Variants in MYH11 observed in about 807,000 individuals in gnomAD.
MYH11 encodes the protein myosin heavy chain 11.
A neutral mutation model predicts 246.6 loss-of-function variants in MYH11; 80 were observed. The ratio of observed to expected loss-of-function variants is 0.32; its 90% CI spans 0.27 to 0.39. The LOEUF is 0.39. MYH11 is among the 10% of genes least tolerant of loss of function. The pLI, the probability that MYH11 is intolerant of heterozygous loss-of-function variation, is 1.00. For synonymous variants in MYH11, 1,071 were observed against 1,015.5 expected (o/e 1.05, Z -1.04); for missense variants, 2,158 against 2,546.8 (o/e 0.85, Z 3.29).
At chr16:15,820,992 C>T (rs1349728684) in intron 3 of MYH11, among the ~76,000 whole-genome samples, 2 of 152,184 alleles carry the variant, frequency 1.3e-5, no homozygotes, top group Non-Finnish European at 2.9e-5. Context: ...CCCACCTCAG[C>T]CTCCCAAGAA....
intron 9 of MYH11, among the ~76,000 whole-genome samples, chr16:15,765,501 GGAT>G: frequency 6.6e-6 from 1 of 152,248 alleles, no homozygotes; most frequent in South Asian, 2.1e-4. Flanking sequence ...ATGAATGGAT[GGAT>G]GATGATTAAT....
chr16:15,746,758 C>G (rs978667041), intron 19 of MYH11, among the ~76,000 whole-genome samples: 1 of 152,134 alleles, frequency 6.6e-6, no homozygotes, highest in Middle Eastern at 3.2e-3. Context: ...GATCTAGACA[C>G]CGTCAAGTCC....
At chr16:15,743,263 G>C (rs1231952796) in intron 20 of MYH11, among the ~76,000 whole-genome samples, 1 of 152,104 alleles carries the variant, frequency 6.6e-6, no homozygotes, top group Admixed American at 6.6e-5. Context: ...CTGCCTCCTC[G>C]GTTCAAGTGA....
At chr16:15,819,846 C>T (rs1176205883) in intron 3 of MYH11, among the ~76,000 whole-genome samples, 3 of 152,082 alleles carry the variant, frequency 2.0e-5, no homozygotes, top group African/African-American at 7.2e-5. Flanking sequence ...AGCAAAAGTC[C>T]CCACAACACA....
At chr16:15,772,131 G>A (rs1049027399) in intron 8 of MYH11, among the ~76,000 whole-genome samples, 1 of 122,416 alleles carries the variant, frequency 8.2e-6, no homozygotes, top group Non-Finnish European at 1.6e-5. Context: ...TCACTCTGTC[G>A]TCCAGGCAGG....
chr16:15,807,772 A>T (rs2043048634), intron 3 of MYH11, among the ~76,000 whole-genome samples: 2 of 151,978 alleles, frequency 1.3e-5, no homozygotes, highest in Non-Finnish European at 1.5e-5. Flanking sequence ...CCAGCCTCGG[A>T]TGTGTAAGGC....
intron 1 of MYH11, among the ~76,000 whole-genome samples, chr16:15,840,042 C>T (rs541748430): frequency 7.2e-5 from 11 of 151,786 alleles, no homozygotes; most frequent in African/African-American, 1.9e-4. Flanking sequence ...CAGAGTGAGA[C>T]GCTGTCTCAA....
Position 15,718,397 on chromosome 16 carries a change from A to G in MYH11, c.5213T>C (p.Ile1738Thr), listed in dbSNP as rs794729642. 1.3e-6 allele frequency: 2 copies of G among 1,598,468 alleles called. No individual in the cohort carries two copies. Among genetic ancestry groups the G allele is most frequent in the Non-Finnish European group, 1.7e-6 (2 of 1,174,400 alleles). ...QDEKRRLEARIAQLEEELEEE... is the reference protein window; with the variant it reads ...QDEKRRLEARTAQLEEELEEE... ...CTCCAGCTCCTCCTCCAGCTGGGCG[A>G]TCCGGGCCTCCAGGCGGCGCTTCTC... Residue 1738 changes from isoleucine (I) to threonine (T), a missense_variant, in exon 37 of 41, where the codon ATC (isoleucine) becomes ACC (threonine). Physicochemically the swap from Ile to Thr is moderately conservative, Grantham distance 89. Coordinates refer to ENST00000300036, the MANE Select transcript of MYH11 (RefSeq NM_002474.3).
At position 15,708,817 on chromosome 16, in the gene MYH11, C is replaced by T. The variant is rs373899395; in HGVS notation, c.5787-4694G>A. On this transcript the variant is annotated intron_variant, in intron 40 of 40. Coordinates refer to ENST00000300036, the MANE Select transcript of MYH11 (RefSeq NM_002474.3). ...AGGCATGATACCTGGTGCATCACTG[C>T]GAAGTTTCCTGTGGGGGGGGCCCTC... 2.9e-5 allele frequency: 47 copies of T among 1,608,956 alleles called. No individual in the cohort carries two copies. In the Admixed American group the frequency reaches 3.0e-4, roughly 10 times the overall value.
intron 26 of MYH11, among the ~76,000 whole-genome samples, chr16:15,734,676 G>A (rs1231535633): frequency 2.6e-5 from 4 of 152,178 alleles, no homozygotes; most frequent in African/African-American, 4.8e-5. Context: ...AATGAGGATG[G>A]TTTTGAATGC....
At chr16:15,793,739 C>A (rs952258071) in intron 4 of MYH11, among the ~76,000 whole-genome samples, 14 of 149,216 alleles carry the variant, frequency 9.4e-5, no homozygotes, top group African/African-American at 2.2e-4. Flanking sequence ...CCTGCCTCAG[C>A]CTCCTGAATA....
intron 2 of MYH11, among the ~76,000 whole-genome samples, chr16:15,825,610 T>C (rs2043541716): frequency 6.6e-6 from 1 of 152,008 alleles, no homozygotes; most frequent in South Asian, 2.1e-4. Flanking sequence ...ACTGTTTTCT[T>C]TAAAATGTTT....
intron 27 of MYH11, 96 bp downstream of exon 27, chr16:15,732,468 T>A: frequency 6.4e-7 from 1 of 1,551,822 alleles, no homozygotes; most frequent in South Asian, 1.1e-5. Flanking sequence ...TGTAACTTGT[T>A]TTTTGTCTTT....
intron 15 of MYH11, among the ~76,000 whole-genome samples, chr16:15,752,202 C>T (rs2041591405): frequency 6.6e-6 from 1 of 151,972 alleles, no homozygotes; most frequent in African/African-American, 2.4e-5. Context: ...TGACACAGAC[C>T]CAGGGTGCGA....
At position 15,720,965 on chromosome 16, in the gene MYH11, C is replaced by T. The variant is rs564724459; in HGVS notation, c.4665G>A (p.Leu1555=). ...KTQLEELEDE[L]QATEDAKLRL... ...GCAGTTTGGCGTCCTCCGTGGCTTG[C>T]AGCTCGTCCTCCAGCTCTTCCAGCT... The change falls in exon 33 of 41, where the codon CTG becomes CTA. Residue 1555 remains leucine, a synonymous_variant. Transcript: ENST00000300036. The T allele has an allele frequency of 6.2e-7, 1 of 1,614,098 alleles. No homozygotes were observed. The highest frequency in any genetic ancestry group is 8.5e-7 in the Non-Finnish European group (1 of 1,180,034).
At chr16:15,741,728 C>G in intron 21 of MYH11, 32 bp downstream of exon 21, 1 of 1,614,138 alleles carries the variant, frequency 6.2e-7, no homozygotes, top group South Asian at 1.1e-5. Context: ...TCCTGTTCCC[C>G]AGCAACCCCA....
At chr16:15,851,055 C>A (rs1206329829) in intron 1 of MYH11, among the ~76,000 whole-genome samples, 3 of 152,104 alleles carry the variant, frequency 2.0e-5, no homozygotes, top group South Asian at 4.1e-4. Context: ...ACAGTGAGAT[C>A]CCATCTCTAT....
At chr16:15,722,542 A>G (rs2040541060) in intron 31 of MYH11, among the ~76,000 whole-genome samples, 1 of 152,218 alleles carries the variant, frequency 6.6e-6, no homozygotes. Flanking sequence ...ACTACACTCT[A>G]TGTGACAGGA....
chr16:15,718,759 A>T (rs1229556500), intron 36 of MYH11: 1 of 467,062 alleles, frequency 2.1e-6, no homozygotes, highest in East Asian at 4.1e-5. Context: ...CAGGCATGAA[A>T]GCGCTGACGG....
Sources: gnomAD v4.1 joint callset for allele counts (sites outside exome capture counted in the v4.1 genomes callset) on GRCh38, gnomAD v4.1.1 for gene constraint, MANE v1.5 for transcripts, NCBI Gene and HGNC (gene_info 2026-07-23, HGNC 2026-07-21) for gene names.